Variants in SPECC1 observed in about 807,000 individuals in gnomAD.
SPECC1 encodes the protein sperm antigen with calponin homology and coiled-coil domains 1.
SPECC1 carries 62 observed loss-of-function variants against 104.1 expected under a neutral mutation model. That is an observed-to-expected ratio of 0.60 (90% CI 0.49 to 0.74). The LOEUF is 0.74. SPECC1 is among the 30% of genes least tolerant of loss of function. SPECC1 has a pLI of 0.00. For synonymous variants in SPECC1, 513 were observed against 501.6 expected (o/e 1.02, Z -0.30); for missense variants, 1,306 against 1,310.5 (o/e 1.00, Z 0.05).
At chr17:20,199,512 T>C (rs570444453) in intron 3 of SPECC1, among the ~76,000 whole-genome samples, 75 of 146,826 alleles carry the variant, frequency 5.1e-4, no homozygotes, top group African/African-American at 1.8e-3. Context: ...GTGATCCTCC[T>C]ACCTCATCCT....
chr17:20,103,935 G>A (rs961387937), intron 2 of SPECC1, among the ~76,000 whole-genome samples: 32 of 152,154 alleles, frequency 2.1e-4, no homozygotes, highest in African/African-American at 7.0e-4. Context: ...GAAGGGGGAC[G>A]AGAAAGGGAG....
chr17:20,092,819 A>G (rs1249320581), intron 1 of SPECC1, among the ~76,000 whole-genome samples: 1 of 152,228 alleles, frequency 6.6e-6, no homozygotes, highest in Non-Finnish European at 1.5e-5. Context: ...GATGTAGAGA[A>G]TCATGTTCAG....
chr17:20,240,514 G>A (rs1353670911), intron 7 of SPECC1, among the ~76,000 whole-genome samples: 1 of 151,666 alleles, frequency 6.6e-6, no homozygotes, highest in Non-Finnish European at 1.5e-5. Flanking sequence ...ATACAAATGT[G>A]CTATTAAATG....
In SPECC1 at chr17:20,063,954, C is replaced by T. The variant is rs186085255; in HGVS notation, c.-21-32677C>T. ...CTTAGAGGTGCTGAGGGCCAAATGG[C>T]CTCAGGGCAGTTCGGTTTTTCAGTT... On this transcript the variant is annotated intron_variant, in intron 1 of 14. Transcript: ENST00000395527. 1.4e-3 allele frequency among the ~76,000 whole-genome samples: 211 copies of T among 152,254 alleles called. 1 individual carries two copies. Among genetic ancestry groups the T allele is most frequent in the African/African-American group, 4.7e-3 (194 of 41,544 alleles).
chr17:20,076,499 CT>C (rs1188055205), intron 1 of SPECC1, among the ~76,000 whole-genome samples: 1 of 152,216 alleles, frequency 6.6e-6, no homozygotes, highest in Non-Finnish European at 1.5e-5. Context: ...TGCACCCAGC[CT>C]GGTTTGACAA....
chr17:20,168,586 C>G (rs2033844643), intron 3 of SPECC1, among the ~76,000 whole-genome samples: 1 of 151,918 alleles, frequency 6.6e-6, no homozygotes, highest in African/African-American at 2.4e-5. Context: ...AATATACTAG[C>G]CAAACCAGTA....
chr17:20,277,539 A>G (rs1288246185), intron 12 of SPECC1, among the ~76,000 whole-genome samples: 2 of 151,846 alleles, frequency 1.3e-5, no homozygotes, highest in Non-Finnish European at 2.9e-5. Context: ...ATAGTTCTTG[A>G]TCTGGTTTTT....
rs112449899 is a variant in SPECC1 at position 20,105,091 on chromosome 17, CT to C, written c.148-5326del. 6.8e-5 allele frequency among the ~76,000 whole-genome samples: 10 copies of C among 147,916 alleles called. No individual in the cohort carries two copies. In the South Asian group the frequency reaches 1.1e-3, roughly 16 times the overall value. ...TCTAGAGATACGCCAACTGCTTTCT[CT>C]TTTTTTTTTCGGTGGGGGGGCGGGA... On this transcript the variant is annotated intron_variant, in intron 2 of 14. Coordinates refer to ENST00000395527, the MANE Select transcript of SPECC1 (RefSeq NM_001243439.2).
chr17:20,204,072 G>A (rs933277496), intron 3 of SPECC1, among the ~76,000 whole-genome samples: 1 of 152,160 alleles, frequency 6.6e-6, no homozygotes, highest in African/African-American at 2.4e-5. Context: ...TGAGTTGTGT[G>A]CCCATGCGTG....
At position 20,253,548 on chromosome 17, in the gene SPECC1, TGAC is replaced by T. The variant is rs1567986154; in HGVS notation, c.2643_2645del (p.Thr882del). 8 of 1,613,992 alleles carry T rather than the reference TGAC, an allele frequency of 5.0e-6. No homozygotes were observed. In the Admixed American group the frequency reaches 6.7e-5, roughly 13 times the overall value. On this transcript the variant is annotated inframe_deletion, in exon 10 of 15. Transcript: ENST00000395527. ...AGTGTGCGGCCAGCCAGCAGAGGGG[TGAC>T]TCAACGCTTGGACCTTCCTGACCTT... is the stretch of plus-strand genomic sequence containing the variant.
In SPECC1 at chr17:20,298,480, A is replaced by C. The variant is rs561849676; in HGVS notation, c.3057+1403A>C. ...TTGGCTGGATGCAGTTAGTGGGGCC[A>C]GAGAGGCTGTGCTGATCCAGGGAAG... On this transcript the variant is annotated intron_variant, in intron 13 of 14. Transcript: ENST00000395527. 5.3e-5 allele frequency among the ~76,000 whole-genome samples: 8 copies of C among 152,316 alleles called. No individual in the cohort carries two copies. The East Asian group carries it at 1.5e-3, about 29-fold the overall frequency.
At chr17:20,196,017 T>C (rs2036009890) in intron 3 of SPECC1, among the ~76,000 whole-genome samples, 1 of 152,224 alleles carries the variant, frequency 6.6e-6, no homozygotes, top group African/African-American at 2.4e-5. Flanking sequence ...AAAAACTGAA[T>C]AATACCCCTT....
chr17:20,030,858 T>C (rs1436730800), intron 1 of SPECC1, among the ~76,000 whole-genome samples: 1 of 152,126 alleles, frequency 6.6e-6, no homozygotes, highest in African/African-American at 2.4e-5. Context: ...GTAAGATACA[T>C]ATAAAATTTA....
intron 1 of SPECC1, among the ~76,000 whole-genome samples, chr17:20,043,446 T>C (rs568385513): frequency 6.6e-6 from 1 of 152,370 alleles, no homozygotes; most frequent in East Asian, 1.9e-4. Context: ...TTAGCTGGTA[T>C]TCTTCCATGA....
intron 3 of SPECC1, among the ~76,000 whole-genome samples, chr17:20,130,820 CAT>C (rs1378829080): frequency 6.6e-6 from 1 of 152,162 alleles, no homozygotes; most frequent in Non-Finnish European, 1.5e-5. Context: ...GGAGAATTCA[CAT>C]GTTTTTACTA....
At chr17:20,202,024 A>G (rs911335242) in intron 3 of SPECC1, among the ~76,000 whole-genome samples, 20 of 152,278 alleles carry the variant, frequency 1.3e-4, no homozygotes, top group African/African-American at 4.8e-4. Flanking sequence ...ATTTACTACC[A>G]TAAAATATAC....
chr17:20,296,880 C>T, intron 12 of SPECC1, 81 bp from the exon 13 acceptor site: 3 of 1,289,474 alleles, frequency 2.3e-6, no homozygotes, highest in Admixed American at 1.8e-5. Context: ...TGTAGATTCC[C>T]ATCTTATCAC....
intron 1 of SPECC1, among the ~76,000 whole-genome samples, chr17:20,020,087 C>A (rs1284636551): frequency 6.6e-6 from 1 of 152,184 alleles, no homozygotes; most frequent in African/African-American, 2.4e-5. Flanking sequence ...TCATTCTAGT[C>A]ACTGCTTCAC....
intron 1 of SPECC1, among the ~76,000 whole-genome samples, chr17:20,023,024 C>A (rs186195148): frequency 8.3e-4 from 127 of 152,264 alleles, no homozygotes; most frequent in Admixed American, 3.7e-3. Flanking sequence ...CCAAAAAAAA[C>A]CAAACAAACC....
Sources: gnomAD v4.1 joint callset for allele counts (sites outside exome capture counted in the v4.1 genomes callset) on GRCh38, gnomAD v4.1.1 for gene constraint, MANE v1.5 for transcripts, NCBI Gene and HGNC (gene_info 2026-07-23, HGNC 2026-07-21) for gene names.